Variants in TMEM184B observed in about 807,000 individuals in gnomAD.
The protein encoded by TMEM184B is putative MAPK-activating protein FM08.
A neutral mutation model predicts 41.8 loss-of-function variants in TMEM184B; 17 were observed. The ratio of observed to expected loss-of-function variants is 0.41; its 90% CI spans 0.28 to 0.61. The LOEUF is 0.61. Ranked by LOEUF, TMEM184B falls within the 20% of genes least tolerant of loss-of-function variation. The pLI is 0.34. For synonymous variants in TMEM184B, 240 were observed against 229.5 expected (o/e 1.05, Z -0.41); for missense variants, 393 against 557.8 (o/e 0.70, Z 2.98).
At chr22:38,257,244 G>T (rs1017718873) in intron 1 of TMEM184B, among the ~76,000 whole-genome samples, 1 of 151,980 alleles carries the variant, frequency 6.6e-6, no homozygotes, top group Non-Finnish European at 1.5e-5. Flanking sequence ...ATTTTCCAAA[G>T]CATTTTAGTG....
chr22:38,258,300 A>ATT (rs752882414), intron 1 of TMEM184B, among the ~76,000 whole-genome samples: 3,141 of 141,290 alleles, frequency 0.022, 104 homozygotes, highest in African/African-American at 0.076. Context: ...ATTTTTCCAA[A>ATT]TTTTTTTTTT....
In TMEM184B at chr22:38,240,745, A is replaced by G. The variant is rs1035918548; in HGVS notation, c.358+5190T>C. Among the ~76,000 whole-genome samples the G allele has an allele frequency of 2.2e-3, 247 of 113,470 alleles. 1 individual carries two copies. Among genetic ancestry groups the G allele is most frequent in the Middle Eastern group, 5.2e-3 (1 of 194 alleles). 74.4% of individuals were successfully genotyped at this position (113,470 alleles called of 152,430 possible). A position where few individuals can be genotyped will look rare whatever the true frequency, so the allele number is the denominator to read the frequency against. On this transcript the variant is annotated intron_variant, in intron 3 of 8. Transcript: ENST00000361906. ...GGGAAAAAAAGGCAAAAAAAAAAAA[A>G]AAAAAAAAAAGCACAAGCAGGTCAC...
chr22:38,269,464 C>T (rs781752621), intron 1 of TMEM184B, among the ~76,000 whole-genome samples: 1 of 152,148 alleles, frequency 6.6e-6, no homozygotes, highest in Non-Finnish European at 1.5e-5. Flanking sequence ...GACCTGCCCA[C>T]CTCAGCCTCC....
In TMEM184B at chr22:38,230,681, C is replaced by T. The variant is rs1437752520; in HGVS notation, c.513G>A (p.Arg171=). The change falls in exon 5 of 9, where the codon AGG becomes AGA. Residue 171 remains arginine (R), a synonymous_variant. Transcript: ENST00000361906. ...TGGGGGCACACACCTGTTTGCAGAA[C>T]CTCAGAAATCCGATGGAATAAGTCT... ...WGKTYSIGFL[R]FCKQATLQFC... is the part of the protein sequence containing the mutation. 6.2e-7 allele frequency: 1 copy of T among 1,611,314 alleles called. No homozygotes were observed. The highest frequency in any genetic ancestry group is 1.1e-5 in the South Asian group (1 of 90,310).
Position 38,247,760 on chromosome 22 carries a change from G to T in TMEM184B, c.192+10C>A. The T allele has an allele frequency of 6.2e-7, 1 of 1,608,156 alleles. No homozygotes were observed. The highest frequency in any genetic ancestry group is 2.2e-5 in the East Asian group (1 of 44,742). ...GACCTTTCTAGAGGCCCCTTGCCAG[G>T]CTTGGGTACCTGGTGGCATGTGATG... On this transcript the variant is annotated intron_variant, in intron 2 of 8. Transcript: ENST00000361906.
At chr22:38,238,654 G>A (rs1569029865) in intron 3 of TMEM184B, among the ~76,000 whole-genome samples, 2 of 152,196 alleles carry the variant, frequency 1.3e-5, no homozygotes, top group African/African-American at 2.4e-5. Context: ...TGCTCACCCC[G>A]GTTGGACAGT....
rs138436653 is a variant in TMEM184B at position 38,228,359 on chromosome 22, C to A, written c.526-1489G>T. On this transcript the variant is annotated intron_variant, in intron 5 of 8. Transcript: ENST00000361906. ...GACAGCCCCCTGACGTGGGTGCTGTCATTATCCCCATGGTACAGGTGAGGA... is the reference window on the plus strand; with the variant it reads ...GACAGCCCCCTGACGTGGGTGCTGTAATTATCCCCATGGTACAGGTGAGGA... Among the ~76,000 whole-genome samples the A allele has an allele frequency of 5.1e-3, 770 of 152,298 alleles. 6 individuals carry two copies. The highest frequency in any genetic ancestry group is 0.01 in the Middle Eastern group (3 of 294).
chr22:38,246,197 C>T, intron 2 of TMEM184B, 97 bp from the exon 3 acceptor site: 1 of 1,440,372 alleles, frequency 6.9e-7, no homozygotes, highest in Non-Finnish European at 9.4e-7. Context: ...CATCTGTGAC[C>T]CGATGCACGT....
chr22:38,245,506 T>C (rs35684784), intron 3 of TMEM184B, among the ~76,000 whole-genome samples: 111 of 78,396 alleles, frequency 1.4e-3, no homozygotes, highest in African/African-American at 2.6e-3. Flanking sequence ...CAGGTACCTG[T>C]CTGAGACGCC....
rs996270207 is a variant in TMEM184B at position 38,228,920 on chromosome 22, C to T, written c.525+1749G>A. On this transcript the variant is annotated intron_variant, in intron 5 of 8. Coordinates refer to ENST00000361906, the MANE Select transcript of TMEM184B (RefSeq NM_012264.5). ...AACAAGGCAGTGAGTCACAGCTGGCCGGAACCTGGGTGGCTGCACCAACTG... is the reference window on the plus strand; with the variant it reads ...AACAAGGCAGTGAGTCACAGCTGGCTGGAACCTGGGTGGCTGCACCAACTG... 2.0e-4 allele frequency among the ~76,000 whole-genome samples: 31 copies of T among 152,224 alleles called. 1 individual carries two copies. The highest frequency in any genetic ancestry group is 1.2e-3 in the Admixed American group (19 of 15,288).
intron 5 of TMEM184B, among the ~76,000 whole-genome samples, chr22:38,227,476 G>A (rs931528688): frequency 6.6e-6 from 1 of 152,138 alleles, no homozygotes; most frequent in Admixed American, 6.5e-5. Context: ...CCGGGAAGCC[G>A]GCGCAGGTGA....
intron 3 of TMEM184B, among the ~76,000 whole-genome samples, chr22:38,235,244 T>A (rs987219585): frequency 5.3e-5 from 8 of 152,138 alleles, no homozygotes; most frequent in East Asian, 1.9e-4. Flanking sequence ...GCCCCAAGAC[T>A]ATCAGCTTTC....
At chr22:38,221,755 G>T in intron 8 of TMEM184B, 45 bp from the exon 9 acceptor site, 7 of 1,600,816 alleles carry the variant, frequency 4.4e-6, no homozygotes, top group Non-Finnish European at 5.1e-6. Flanking sequence ...GGCTGGGACG[G>T]TGAGAGGGAG....
In TMEM184B at chr22:38,219,410, C is replaced by T. The variant is rs1329037378; in HGVS notation, c.*2059G>A. The T allele has an allele frequency of 1.0e-6, 1 of 985,684 alleles. No homozygotes were observed. Among genetic ancestry groups the T allele is most frequent in the African/African-American group, 1.7e-5 (1 of 57,194 alleles). The allele number at this position is 985,684 out of a possible 1,614,324, so 61.1% of individuals were successfully genotyped here. ...AAAATAGAGTGGCTTTCTGGTGGAA[C>T]TCATGGCAGTCATACAACAAGATAC... is the stretch of plus-strand genomic sequence containing the variant. On this transcript the variant is annotated 3_prime_UTR_variant, in exon 9 of 9. Transcript: ENST00000361906.
In TMEM184B at chr22:38,219,668, G is replaced by A. The variant is rs1023261968; in HGVS notation, c.*1801C>T. 2.0e-6 allele frequency: 2 copies of A among 985,386 alleles called. No individual in the cohort carries two copies. The highest frequency in any genetic ancestry group is 1.7e-5 in the African/African-American group (1 of 57,236). 61.0% of individuals were successfully genotyped at this position (985,386 alleles called of 1,614,324 possible). On this transcript the variant is annotated 3_prime_UTR_variant, in exon 9 of 9. Coordinates refer to ENST00000361906, the MANE Select transcript of TMEM184B (RefSeq NM_012264.5). Reference sequence around the variant, plus strand: ...GCTCCCCCCACCCTCCACGCAAACAGCAACGCTGGGCAGGCGAAAACCAAG... The same window carrying A: ...GCTCCCCCCACCCTCCACGCAAACAACAACGCTGGGCAGGCGAAAACCAAG...
intron 1 of TMEM184B, among the ~76,000 whole-genome samples, chr22:38,271,288 G>A (rs983627373): frequency 4.6e-5 from 7 of 152,176 alleles, no homozygotes; most frequent in Admixed American, 6.5e-5. Flanking sequence ...GCACATAGTA[G>A]ATGCTCAGTA....
intron 8 of TMEM184B, 65 bp downstream of exon 8, chr22:38,224,720 G>C: frequency 6.8e-7 from 1 of 1,459,938 alleles, no homozygotes; most frequent in South Asian, 1.4e-5. Flanking sequence ...GAGGTGGGAG[G>C]GTCCTGGGAT....
At chr22:38,231,625 C>A (rs2091625589) in intron 3 of TMEM184B, 1 of 542,806 alleles carries the variant, frequency 1.8e-6, no homozygotes, top group African/African-American at 1.9e-5. Flanking sequence ...TGTGGGGAGG[C>A]CAGAGGAGGC....
intron 1 of TMEM184B, among the ~76,000 whole-genome samples, chr22:38,270,467 T>C (rs2092506224): frequency 6.6e-6 from 1 of 152,244 alleles, no homozygotes; most frequent in Non-Finnish European, 1.5e-5. Flanking sequence ...TATTGTCCTC[T>C]GGGCCCCTTT....
Sources: allele counts gnomAD v4.1 joint callset (sites outside exome capture counted in the v4.1 genomes callset), GRCh38; gene constraint gnomAD v4.1.1; transcripts MANE v1.5; gene names NCBI Gene and HGNC (gene_info 2026-07-23, HGNC 2026-07-21).